ELAVL4: variants seen among roughly 807,000 people sequenced by gnomAD.
ELAVL4 encodes ELAV like RNA binding protein 4, also known as ELAV-like protein 4.
A neutral mutation model predicts 35.6 loss-of-function variants in ELAVL4; 1 was observed. That is an observed-to-expected ratio of 0.03 (90% CI 0.01 to 0.13). ELAVL4 has a LOEUF of 0.13. Among genes scored for constraint, ELAVL4 ranks in the 10% least tolerant of loss-of-function variants. ELAVL4 has a pLI of 1.00. For missense variants in ELAVL4, 267 were observed against 464.9 expected (o/e 0.57, Z 3.91); for synonymous variants, 156 against 171.0 (o/e 0.91, Z 0.69).
upstream of ELAVL4, among the ~76,000 whole-genome samples, chr1:50,102,045 G>A (rs1666003117): frequency 1.3e-5 from 2 of 152,188 alleles, no homozygotes; most frequent in South Asian, 4.1e-4. Context: ...CCCAGCACTT[G>A]GGGAGGCCGT....
At chr1:50,072,462 C>G (rs1190977689) in intron 1 of ELAVL4, among the ~76,000 whole-genome samples, 1 of 152,194 alleles carries the variant, frequency 6.6e-6, no homozygotes, top group Non-Finnish European at 1.5e-5. Context: ...GGCCTTCTCA[C>G]TGTTTTATGA....
chr1:50,076,126 G>A (rs1360286149), intron 1 of ELAVL4, among the ~76,000 whole-genome samples: 1 of 152,176 alleles, frequency 6.6e-6, no homozygotes, highest in Non-Finnish European at 1.5e-5. Context: ...ACCGCACCAG[G>A]CCAACTTATG....
intron 1 of ELAVL4, among the ~76,000 whole-genome samples, chr1:50,115,500 A>C (rs1667792439): frequency 6.6e-6 from 1 of 152,100 alleles, no homozygotes; most frequent in South Asian, 2.1e-4. Flanking sequence ...CATTTGAAAA[A>C]TAACATGTAA....
intron 2 of ELAVL4, among the ~76,000 whole-genome samples, chr1:50,170,662 C>A (rs1329854861): frequency 6.6e-6 from 1 of 152,106 alleles, no homozygotes; most frequent in Non-Finnish European, 1.5e-5. Flanking sequence ...TGGGATGGGA[C>A]CTGAAGATCT....
At chr1:50,057,704 C>T (rs1314738866) in intron 1 of ELAVL4, among the ~76,000 whole-genome samples, 5 of 152,120 alleles carry the variant, frequency 3.3e-5, no homozygotes, top group African/African-American at 9.7e-5. Flanking sequence ...CCTAGGTGTG[C>T]GGTAGTCTAT....
In ELAVL4 at chr1:50,193,910, A is replaced by G; in HGVS notation, c.500A>G (p.Gln167Arg). Residue 167 changes from glutamine to arginine, a missense_variant, in exon 4 of 7, where the codon CAA becomes CGA. Coordinates refer to ENST00000371824, the MANE Select transcript of ELAVL4 (RefSeq NM_001144774.3). ...RIITSRILVD[Q>R]VTGVSRGVGF... ...ATCACCTCACGAATCCTGGTTGATC[A>G]AGTCACAGGTTAAGTGTTTCTTTGT... is the stretch of plus-strand genomic sequence containing the variant. The G allele has an allele frequency of 6.2e-7, 1 of 1,613,930 alleles. No individual in the cohort carries two copies. The highest frequency in any genetic ancestry group is 8.5e-7 in the Non-Finnish European group (1 of 1,179,920).
At chr1:50,181,651 T>C (rs1681043148) in intron 3 of ELAVL4, among the ~76,000 whole-genome samples, 1 of 149,782 alleles carries the variant, frequency 6.7e-6, no homozygotes, top group African/African-American at 2.5e-5. Flanking sequence ...TTTAGCTTTG[T>C]TTTTGGTTTG....
chr1:50,075,710 A>G (rs1664728861), intron 1 of ELAVL4, among the ~76,000 whole-genome samples: 1 of 152,222 alleles, frequency 6.6e-6, no homozygotes, highest in South Asian at 2.1e-4. Flanking sequence ...ATACACATTC[A>G]GGAGCCCCTC....
chr1:50,070,387 C>T (rs976731134), intron 1 of ELAVL4, among the ~76,000 whole-genome samples: 10 of 152,188 alleles, frequency 6.6e-5, no homozygotes, highest in African/African-American at 2.2e-4. Flanking sequence ...CCTGCCTCAT[C>T]ATTTTCATTT....
upstream of ELAVL4, chr1:50,103,791 C>G: frequency 1.1e-6 from 1 of 904,492 alleles, no homozygotes. Flanking sequence ...TTCACTCTAC[C>G]TTCCCACCCC....
Position 50,145,152 on chromosome 1 carries a change from A to G in ELAVL4, c.205A>G (p.Ile69Val), listed in dbSNP as rs755382094. The G allele has an allele frequency of 2.5e-6, 4 of 1,613,924 alleles. No homozygotes were observed. In the African/African-American group the frequency reaches 4.0e-5, roughly 16 times the overall value. The change falls in exon 2 of 7, where the codon ATT (isoleucine) becomes GTT (valine). Residue 69 changes from isoleucine to valine, a missense_variant. This residue lies in a region of ELAVL4 where 216 missense variants were observed against 409.5 expected (regional missense o/e 0.53). Transcript: ENST00000371824. ...AGAATTCAGGAGTCTCTTCGGGAGC[A>G]TTGGTGAAATAGAATCCTGCAAACT... is the stretch of plus-strand genomic sequence containing the variant. ...QEEFRSLFGS[I>V]GEIESCKLVR...
rs1680177990 is a variant in ELAVL4 at position 50,177,144 on chromosome 1, A to G, written c.306A>G (p.Lys102=). ...VNYIDPKDAE[K]AINTLNGLRL... is the part of the protein sequence containing the mutation. ...ATATTGATCCAAAGGATGCAGAGAA[A>G]GCCATCAACACTTTAAATGGACTCA... Residue 102 remains lysine (K), a synonymous_variant, in exon 3 of 7, where the codon AAA becomes AAG. Coordinates refer to ENST00000371824, the MANE Select transcript of ELAVL4 (RefSeq NM_001144774.3). 1 of 1,614,082 alleles carries G rather than the reference A, an allele frequency of 6.2e-7. No homozygotes were observed. The highest frequency in any genetic ancestry group is 2.2e-5 in the East Asian group (1 of 44,850).
At chr1:50,182,383 G>A (rs759928170) in intron 3 of ELAVL4, among the ~76,000 whole-genome samples, 18 of 152,156 alleles carry the variant, frequency 1.2e-4, no homozygotes, top group Non-Finnish European at 2.4e-4. Flanking sequence ...ACCTGTTTGC[G>A]TTTTGACCTA....
chr1:50,117,056 A>G (rs1668072171), intron 1 of ELAVL4, among the ~76,000 whole-genome samples: 1 of 152,144 alleles, frequency 6.6e-6, no homozygotes, highest in Non-Finnish European at 1.5e-5. Flanking sequence ...CAGGATATTA[A>G]AAGGGAATCG....
intron 2 of ELAVL4, among the ~76,000 whole-genome samples, chr1:50,161,529 A>C (rs1676808426): frequency 1.3e-5 from 2 of 152,130 alleles, no homozygotes; most frequent in Non-Finnish European, 2.9e-5. Flanking sequence ...TTTATCTTAC[A>C]AATTTCCTTT....
At chr1:50,155,273 A>G (rs17105974) in intron 2 of ELAVL4, among the ~76,000 whole-genome samples, 10,043 of 147,222 alleles carry the variant, frequency 0.068, 462 homozygotes, top group Middle Eastern at 0.16. Flanking sequence ...CTTTACATCA[A>G]TGAAAATGAA....
At chr1:50,122,658 T>C (rs1426720524) in intron 1 of ELAVL4, among the ~76,000 whole-genome samples, 1 of 152,098 alleles carries the variant, frequency 6.6e-6, no homozygotes, top group African/African-American at 2.4e-5. Flanking sequence ...AATTGTAAAC[T>C]TCAAGTTTCA....
In ELAVL4 at chr1:50,109,149, A is replaced by T; in HGVS notation, c.-41A>T. 6.2e-7 allele frequency: 1 copy of T among 1,600,644 alleles called. No homozygotes were observed. Among genetic ancestry groups the T allele is most frequent in the Non-Finnish European group, 8.5e-7 (1 of 1,175,736 alleles). The stretch of plus-strand genomic sequence containing the variant: ...CTGAAATCTTTGCAAATTTTAACAG[A>T]AGAGTCGAAGCTCTGCGAGACCCAA... On this transcript the variant is annotated 5_prime_UTR_variant, in exon 1 of 7. Transcript: ENST00000371824.
chr1:50,172,856 A>G (rs1679268173), intron 2 of ELAVL4, among the ~76,000 whole-genome samples: 1 of 152,172 alleles, frequency 6.6e-6, no homozygotes, highest in Non-Finnish European at 1.5e-5. Flanking sequence ...ATCTCTGTGG[A>G]AAGGTGGATA....
Sources: allele counts gnomAD v4.1 joint callset (sites outside exome capture counted in the v4.1 genomes callset), GRCh38; gene constraint gnomAD v4.1.1; regional missense constraint gnomAD v4.1.1; transcripts MANE v1.5; gene names NCBI Gene and HGNC (gene_info 2026-07-23, HGNC 2026-07-21).